Variants in MIR2052HG observed in about 807,000 individuals in gnomAD.
MIR2052HG encodes the protein MIR2052 host gene.
At chr8:74,701,000 G>C (rs575996668) in intron 2 of MIR2052HG, among the ~76,000 whole-genome samples, 1 of 152,182 alleles carries the variant, frequency 6.6e-6, no homozygotes, top group African/African-American at 2.4e-5. Context: ...TAAGTGATTT[G>C]TTTCTAAGAT....
chr8:74,608,292 T>TA (rs1563510821), intron 1 of MIR2052HG, among the ~76,000 whole-genome samples: 1 of 151,998 alleles, frequency 6.6e-6, no homozygotes, highest in Non-Finnish European at 1.5e-5. Flanking sequence ...TCTAAAGGGC[T>TA]AAATAGGAAA....
intron 2 of MIR2052HG, among the ~76,000 whole-genome samples, chr8:74,623,635 G>T (rs1215865981): frequency 3.3e-5 from 5 of 152,124 alleles, no homozygotes; most frequent in Admixed American, 3.3e-4. Context: ...CATAAAACTT[G>T]TTTTTTCTCT....
rs564857295 is a variant in MIR2052HG at position 74,705,918 on chromosome 8, T to C, written n.371+2236T>C. The stretch of plus-strand genomic sequence containing the variant: ...TCGGGAAAAAAAATATCATATGCTG[T>C]TTATATCCCTACAACTAAGATATCA... On this transcript the variant is annotated intron_variant and non_coding_transcript_variant, in intron 4 of 6. Coordinates refer to ENST00000523442, the Ensembl canonical transcript of MIR2052HG. Among the ~76,000 whole-genome samples the C allele has an allele frequency of 3.3e-5, 5 of 152,182 alleles. No individual in the cohort carries two copies. The South Asian group carries it at 1.0e-3, about 32-fold the overall frequency.
chr8:74,677,421 A>G (rs1183117598), intron 2 of MIR2052HG, among the ~76,000 whole-genome samples: 1 of 152,134 alleles, frequency 6.6e-6, no homozygotes, highest in Non-Finnish European at 1.5e-5. Flanking sequence ...TTAATTATGT[A>G]TGTATTATTA....
At chr8:74,668,706 C>G (rs1383732085) in intron 2 of MIR2052HG, among the ~76,000 whole-genome samples, 5 of 152,198 alleles carry the variant, frequency 3.3e-5, no homozygotes, top group Non-Finnish European at 7.3e-5. Context: ...CCAAAATAGC[C>G]ATGAGTTATC....
At chr8:74,638,846 C>A (rs576148488) in intron 2 of MIR2052HG, among the ~76,000 whole-genome samples, 2 of 151,966 alleles carry the variant, frequency 1.3e-5, no homozygotes, top group Admixed American at 1.3e-4. Context: ...CATCAGGATA[C>A]GGATGAAATC....
intron 2 of MIR2052HG, among the ~76,000 whole-genome samples, chr8:74,660,907 C>T (rs909609683): frequency 4.6e-5 from 7 of 151,772 alleles, no homozygotes; most frequent in East Asian, 1.9e-4. Context: ...GGAGGAGATC[C>T]GATGAAAACC....
chr8:74,672,595 G>A (rs1809004871), intron 2 of MIR2052HG, among the ~76,000 whole-genome samples: 1 of 152,034 alleles, frequency 6.6e-6, no homozygotes, highest in Admixed American at 6.6e-5. Flanking sequence ...GAAGGTTCAG[G>A]GAGAATGGGA....
intron 4 of MIR2052HG, among the ~76,000 whole-genome samples, chr8:74,729,759 A>G (rs1809671671): frequency 6.6e-6 from 1 of 152,164 alleles, no homozygotes; most frequent in Non-Finnish European, 1.5e-5. Flanking sequence ...TGAATCTGAA[A>G]AACAGAAGGG....
At chr8:74,639,894 G>T (rs1177944238) in intron 2 of MIR2052HG, among the ~76,000 whole-genome samples, 11 of 152,044 alleles carry the variant, frequency 7.2e-5, no homozygotes, top group Non-Finnish European at 1.6e-4. Context: ...GTCTGCAAGT[G>T]GAATGACATC....
intron 2 of MIR2052HG, among the ~76,000 whole-genome samples, chr8:74,698,371 G>GGC (rs1430832883): frequency 6.6e-6 from 1 of 152,144 alleles, no homozygotes; most frequent in African/African-American, 2.4e-5. Context: ...ATGGATCAAA[G>GGC]GCTGAAATCT....
In MIR2052HG at chr8:74,677,403, TA is replaced by T. The variant is rs959844356; in HGVS notation, n.217-24969del. ...TGTTCTCAAACACATAAAGAATATC[TA>T]AAAAAATTAATTATGTATGTATTAT... On this transcript the variant is annotated intron_variant and non_coding_transcript_variant, in intron 2 of 6. Transcript: ENST00000523442. 2.0e-5 allele frequency among the ~76,000 whole-genome samples: 3 copies of T among 151,994 alleles called. 1 individual carries two copies. The highest frequency in any genetic ancestry group is 4.1e-4 in the South Asian group (2 of 4,832).
At chr8:74,684,885 G>C (rs1809163377) in intron 2 of MIR2052HG, among the ~76,000 whole-genome samples, 2 of 152,130 alleles carry the variant, frequency 1.3e-5, no homozygotes, top group Admixed American at 6.6e-5. Flanking sequence ...AATCTAAAAT[G>C]TGCATGATGA....
At chr8:74,617,061 C>T (rs1808292652) in intron 2 of MIR2052HG, among the ~76,000 whole-genome samples, 1 of 152,114 alleles carries the variant, frequency 6.6e-6, no homozygotes, top group Non-Finnish European at 1.5e-5. Context: ...TACTTACTTT[C>T]CTCACTATTC....
At position 74,615,853 on chromosome 8, in the gene MIR2052HG, C is replaced by T. The variant is rs567145898; in HGVS notation, n.216+2913C>T. ...TTCGATTCTCACCTATGAGTGAGAA[C>T]ATGTGGTGTTTGGTTTTCTGTCCTT... is the stretch of plus-strand genomic sequence containing the variant. On this transcript the variant is annotated intron_variant and non_coding_transcript_variant, in intron 2 of 6. Coordinates refer to ENST00000523442, the Ensembl canonical transcript of MIR2052HG. Among the ~76,000 whole-genome samples, 564 of 152,090 alleles carry T rather than the reference C, an allele frequency of 3.7e-3. 5 individuals are homozygous for T. Among genetic ancestry groups the T allele is most frequent in the Non-Finnish European group, 6.8e-3 (463 of 67,996 alleles).
chr8:74,739,569 T>C (rs1006849886), intron 4 of MIR2052HG, among the ~76,000 whole-genome samples: 4 of 152,150 alleles, frequency 2.6e-5, no homozygotes, highest in African/African-American at 9.7e-5. Flanking sequence ...AAATGGAGAA[T>C]GCAAAGGTCA....
At chr8:74,643,718 A>G (rs1808663543) in intron 2 of MIR2052HG, among the ~76,000 whole-genome samples, 1 of 152,222 alleles carries the variant, frequency 6.6e-6, no homozygotes, top group Non-Finnish European at 1.5e-5. Flanking sequence ...AGAGATAAGT[A>G]GCAAAGTTTC....
At chr8:74,603,869 T>A (rs2128730413) in intron 1 of MIR2052HG, 1 of 1,014,134 alleles carries the variant, frequency 9.9e-7, no homozygotes, top group Non-Finnish European at 1.6e-6. Context: ...GCCCCTGTAC[T>A]CTCTCGTATT....
chr8:74,612,781 A>C (rs992237560), intron 1 of MIR2052HG: 19 of 419,580 alleles, frequency 4.5e-5, no homozygotes, highest in Non-Finnish European at 8.0e-5. Context: ...TTCTTTCTTC[A>C]TGTGAGTGTA....
Sources: gnomAD v4.1 joint callset for allele counts (sites outside exome capture counted in the v4.1 genomes callset) on GRCh38, gnomAD v4.1.1 for gene constraint, MANE v1.5 for transcripts, NCBI Gene and HGNC (gene_info 2026-07-23, HGNC 2026-07-21) for gene names.